The following NOS3 variants were observed in gnomAD, a reference collection of about 807,000 sequenced individuals.
NOS3 encodes NOS type III.
NOS3 carries 98 observed loss-of-function variants against 144.9 expected under a neutral mutation model. The ratio of observed to expected loss-of-function variants is 0.68; its 90% CI spans 0.57 to 0.80. The LOEUF is 0.80. NOS3 is among the 30% of genes least tolerant of loss of function. The pLI is 0.00. For synonymous variants in NOS3, 714 were observed against 702.4 expected, an observed-to-expected ratio of 1.02 and a Z score of -0.26; for missense variants, 1,465 against 1,656.4, an observed-to-expected ratio of 0.88 and a Z score of 2.01.
Position 150,993,900 on chromosome 7 carries a change from A to AC in NOS3, c.101dup (p.Ala35GlyfsTer3). On this transcript the variant is annotated frameshift_variant, in exon 2 of 27. Coordinates refer to ENST00000297494, the MANE Select transcript of NOS3 (RefSeq NM_000603.5). LOFTEE classifies it high-confidence loss of function. This position sits in a 1 kb window ranked among gnomAD's most constrained non-coding sequence, Gnocchi z 4.0. Reference sequence around the variant, plus strand: ...GCTGTGCGGCAAGCAGGGCCCAGCCACCCCGGCCCCTGAGCCCAGCCGGGC... The same window carrying AC: ...GCTGTGCGGCAAGCAGGGCCCAGCCACCCCCGGCCCCTGAGCCCAGCCGGGC... 1.9e-6 allele frequency: 3 copies of AC among 1,593,310 alleles called. No homozygotes were observed. The highest frequency in any genetic ancestry group is 2.6e-6 in the Non-Finnish European group (3 of 1,171,674).
At chr7:151,009,086 C>G (rs1001492945) in intron 18 of NOS3, 24 bp downstream of exon 18, 3 of 1,613,030 alleles carry the variant, frequency 1.9e-6, no homozygotes, top group Non-Finnish European at 1.7e-6. Flanking sequence ...TCACCCTAAC[C>G]CGGCTGGTTC....
Position 150,993,749 on chromosome 7 carries a change from T to C in NOS3, c.-51-4T>C. On this transcript the variant is annotated splice_region_variant and splice_polypyrimidine_tract_variant and intron_variant, in intron 1 of 26. Coordinates refer to ENST00000297494, the MANE Select transcript of NOS3 (RefSeq NM_000603.5). The surrounding 1 kb of genome is among the most constrained non-coding windows in gnomAD (Gnocchi z 4.0). Reference sequence around the variant, plus strand: ...CTCCTCTCGGTCCCCTCCCTCTTCCTAAGGAAAAGGCCAGGGCTCTGCTGG... The same window carrying C: ...CTCCTCTCGGTCCCCTCCCTCTTCCCAAGGAAAAGGCCAGGGCTCTGCTGG... 1.3e-6 allele frequency: 2 copies of C among 1,550,418 alleles called. No individual in the cohort carries two copies. The highest frequency in any genetic ancestry group is 2.3e-5 in the East Asian group (1 of 44,022).
intron 2 of NOS3, 25 bp from the exon 3 acceptor site, chr7:150,995,178 T>A: frequency 7.4e-7 from 1 of 1,360,394 alleles, no homozygotes; most frequent in Non-Finnish European, 1.0e-6. Flanking sequence ...CCCTTCCTGA[T>A]GACCCTATCC....
At chr7:151,013,663 C>G in intron 25 of NOS3, 61 bp from the exon 26 acceptor site, 2 of 1,419,526 alleles carry the variant, frequency 1.4e-6, no homozygotes, top group South Asian at 1.3e-5. Context: ...AGCCAGCAGC[C>G]CCGGGCTGCG....
chr7:151,010,665 C>A lies in NOS3; in HGVS notation c.2754C>A (p.Phe918Leu). Residue 918 changes from phenylalanine (F) to leucine (L), a missense_variant, in exon 22 of 27, where the codon TTC (phenylalanine) becomes TTA (leucine). This residue lies in a region of NOS3 where 745 missense variants were observed against 853.9 expected (regional missense o/e 0.87). Transcript: ENST00000297494. ...CPTLLEVLEQ[F>L]PSVALPAPLL... ...CGCTGCTGGAGGTGCTGGAGCAGTT[C>A]CCGTCGGTGGCGCTGCCTGCCCCAC... 2 of 1,608,224 alleles carry A rather than the reference C, an allele frequency of 1.2e-6. No individual in the cohort carries two copies. The highest frequency in any genetic ancestry group is 8.5e-7 in the Non-Finnish European group (1 of 1,177,724).
In NOS3 at chr7:151,013,852, G is replaced by C; in HGVS notation, c.3384G>C (p.Gln1128His). 6.2e-7 allele frequency: 1 copy of C among 1,604,444 alleles called. No individual in the cohort carries two copies. Among genetic ancestry groups the C allele is most frequent in the Non-Finnish European group, 8.5e-7 (1 of 1,176,138 alleles). Residue 1128 changes from glutamine to histidine, a missense_variant, in exon 26 of 27, where the codon CAG becomes CAC. Gln to His is a conservative substitution (Grantham distance 24). Transcript: ENST00000297494. ...CAACCAACGTCCTGCAGACCGTGCA[G>C]CGCATCCTGGCGACGGAGGGCGACA... Reference protein sequence around the residue: ...TMATNVLQTVQRILATEGDME... With the variant: ...TMATNVLQTVHRILATEGDME...
chr7:151,008,807 C>T (rs370552047), intron 17 of NOS3, 123 bp from the exon 18 acceptor site: 25 of 1,148,056 alleles, frequency 2.2e-5, no homozygotes, highest in Non-Finnish European at 3.0e-5. Context: ...GTCCTTGGCG[C>T]CGGCCTCAGC....
At position 150,998,036 on chromosome 7, in the gene NOS3, G is replaced by A. The variant is rs1399076118; in HGVS notation, c.583-321G>A. The stretch of plus-strand genomic sequence containing the variant: ...GGATTTGCTGCCCACACTCCTAGGC[G>A]GCCTCTTAGACATCCGTTGGTGCCT... On this transcript the variant is annotated intron_variant, in intron 5 of 26. Transcript: ENST00000297494. The surrounding 1 kb of genome is among the most constrained non-coding windows in gnomAD (Gnocchi z 5.0). Among the ~76,000 whole-genome samples, 4 of 152,200 alleles carry A rather than the reference G, an allele frequency of 2.6e-5. No individual in the cohort carries two copies. Among genetic ancestry groups the A allele is most frequent in the African/African-American group, 7.2e-5 (3 of 41,446 alleles).
At position 151,014,349 on chromosome 7, in the gene NOS3, G is replaced by A. The variant is rs1248572703; in HGVS notation, c.*180G>A. On this transcript the variant is annotated 3_prime_UTR_variant, in exon 27 of 27. Transcript: ENST00000297494. ...GCAAAACGCCTCTTTTCCCTCTCTA[G>A]GCCTGTTGCCTCGGGCCTGGGTCCG... is the stretch of plus-strand genomic sequence containing the variant. The A allele has an allele frequency of 2.3e-5, 16 of 688,054 alleles. No individual in the cohort carries two copies. Among genetic ancestry groups the A allele is most frequent in the Non-Finnish European group, 3.7e-5 (16 of 429,932 alleles). 42.6% of individuals were successfully genotyped at this position (688,054 alleles called of 1,614,324 possible).
At chr7:151,005,988 C>G (rs1210691717) in intron 14 of NOS3, among the ~76,000 whole-genome samples, 1 of 152,194 alleles carries the variant, frequency 6.6e-6, no homozygotes, top group Non-Finnish European at 1.5e-5. Flanking sequence ...AGCCACTGCA[C>G]CCCAACCTGG....
rs866146324 is a variant in NOS3 at position 151,010,225 on chromosome 7, C to T, written c.2623C>T (p.Arg875Trp). Residue 875 changes from arginine to tryptophan, a missense_variant, in exon 21 of 27, where the codon CGG becomes TGG. This residue lies in a region of NOS3 where 745 missense variants were observed against 853.9 expected (regional missense o/e 0.87). Transcript: ENST00000297494. ...ITSPPSPQLL[R>W]LLSTLAEEPR... Reference sequence around the variant, plus strand: ...CTCCCCACCCAGCCCTCAGCTCTTGCGGCTGCTCAGCACCTTGGCAGAAGA... The same window carrying T: ...CTCCCCACCCAGCCCTCAGCTCTTGTGGCTGCTCAGCACCTTGGCAGAAGA... 5.0e-6 allele frequency: 8 copies of T among 1,612,668 alleles called. No individual in the cohort carries two copies. The Admixed American group carries it at 5.0e-5, about 10-fold the overall frequency.
At chr7:151,008,905 C>T in intron 17 of NOS3, 25 bp from the exon 18 acceptor site, 1 of 1,595,612 alleles carries the variant, frequency 6.3e-7, no homozygotes, top group Non-Finnish European at 8.5e-7. Flanking sequence ...GGGAGGTCCT[C>T]AGCCCTCACC....
chr7:151,009,148 C>CCCTA, intron 18 of NOS3, 41 bp from the exon 19 acceptor site: 1 of 1,613,202 alleles, frequency 6.2e-7, no homozygotes, highest in Non-Finnish European at 8.5e-7. Flanking sequence ...AGGCCCTGCT[C>CCCTA]CCTAGCTCAG....
chr7:151,010,631 G>A lies in NOS3; in HGVS notation c.2720G>A (p.Arg907His), dbSNP rs752959128. ...PRRYEEWKWF[R>H]CPTLLEVLEQ... The stretch of plus-strand genomic sequence containing the variant: ...CGCTACGAGGAGTGGAAGTGGTTCC[G>A]CTGCCCCACGCTGCTGGAGGTGCTG... The change falls in exon 22 of 27, where the codon CGC becomes CAC. Residue 907 changes from arginine to histidine, a missense_variant. This residue lies in a region of NOS3 where 745 missense variants were observed against 853.9 expected (regional missense o/e 0.87). Transcript: ENST00000297494. 7 of 1,602,234 alleles carry A rather than the reference G, an allele frequency of 4.4e-6. No homozygotes were observed. The highest frequency in any genetic ancestry group is 1.3e-5 in the African/African-American group (1 of 74,672).
chr7:150,999,388 G>C, intron 9 of NOS3, 24 bp downstream of exon 9: 1 of 1,535,722 alleles, frequency 6.5e-7, no homozygotes. Context: ...TGGGGCTCGG[G>C]CACCGAATGC....
At chr7:150,999,492 G>T in intron 9 of NOS3, 128 bp downstream of exon 9, 1 of 1,004,920 alleles carries the variant, frequency 1.0e-6, no homozygotes, top group Non-Finnish European at 1.4e-6. Flanking sequence ...TCCTAAATGG[G>T]AACTGAGGAC....
At chr7:151,010,380 C>G in intron 21 of NOS3, 93 bp downstream of exon 21, 1 of 1,267,500 alleles carries the variant, frequency 7.9e-7, no homozygotes, top group South Asian at 1.5e-5. Context: ...AAAGTCCCCC[C>G]TGGACTTTCT....
At chr7:151,005,883 C>A (rs1387769953) in intron 14 of NOS3, among the ~76,000 whole-genome samples, 1 of 152,156 alleles carries the variant, frequency 6.6e-6, no homozygotes, top group Non-Finnish European at 1.5e-5. Flanking sequence ...TAAAAATTAA[C>A]CAAGAGTGGT....
rs1795023705 is a variant in NOS3 at position 150,999,359 on chromosome 7, C to T, written c.1126C>T (p.Leu376=). 2 of 1,573,090 alleles carry T rather than the reference C, an allele frequency of 1.3e-6. No individual in the cohort carries two copies. Among genetic ancestry groups the T allele is most frequent in the African/African-American group, 1.4e-5 (1 of 73,836 alleles). Residue 376 remains leucine, a synonymous_variant, in exon 9 of 27, where the codon CTG becomes TTG. Coordinates refer to ENST00000297494, the MANE Select transcript of NOS3 (RefSeq NM_000603.5). ...NLCDPHRYNI[L]EDVAVCMDLD... Reference sequence around the variant, plus strand: ...GTGTGACCCTCACCGCTACAACATCCTGGAGGTGAGGTGCGGGATGGGGCT... The same window carrying T: ...GTGTGACCCTCACCGCTACAACATCTTGGAGGTGAGGTGCGGGATGGGGCT...
Sources: allele counts gnomAD v4.1 joint callset (sites outside exome capture counted in the v4.1 genomes callset), GRCh38; gene constraint gnomAD v4.1.1; regional missense constraint gnomAD v4.1.1; non-coding constraint Gnocchi (gnomAD v3.1); transcripts MANE v1.5; gene names NCBI Gene and HGNC (gene_info 2026-07-23, HGNC 2026-07-21).